CNOT4: variants seen among roughly 807,000 people sequenced by gnomAD.
CNOT4 encodes the protein CCR4-associated factor 4.
In CNOT4, 8 loss-of-function variants were observed where a neutral mutation model predicts 73.8. That is an observed-to-expected ratio of 0.11 (90% CI 0.06 to 0.20). The LOEUF is 0.20. Among genes scored for constraint, CNOT4 ranks in the 10% least tolerant of loss-of-function variants. The pLI is 1.00. For missense variants in CNOT4, 564 were observed against 883.4 expected (o/e 0.64, Z 4.58); for synonymous variants, 293 against 321.1 (o/e 0.91, Z 0.94).
At chr7:135,437,576 C>T (rs1269552363) in intron 2 of CNOT4, among the ~76,000 whole-genome samples, 1 of 152,160 alleles carries the variant, frequency 6.6e-6, no homozygotes, top group Non-Finnish European at 1.5e-5. Flanking sequence ...CTACTACTCA[C>T]AAGTTGATGA....
intron 10 of CNOT4, chr7:135,386,662 A>G (rs1175355014): frequency 6.6e-6 from 1 of 152,226 alleles, no homozygotes; most frequent in Non-Finnish European, 1.5e-5. Flanking sequence ...AAGTGAGGCA[A>G]AAGATCATGT....
chr7:135,487,401 T>C (rs1322272494), intron 1 of CNOT4, among the ~76,000 whole-genome samples: 4 of 150,974 alleles, frequency 2.6e-5, no homozygotes, highest in African/African-American at 4.9e-5. Context: ...ACCCAGATAA[T>C]TTTTTTTTGT....
chr7:135,505,358 G>GC (rs1250678115), intron 1 of CNOT4, among the ~76,000 whole-genome samples: 2 of 152,100 alleles, frequency 1.3e-5, no homozygotes, highest in Admixed American at 6.6e-5. Context: ...TTCGAGAACA[G>GC]CTGGTCAACA....
intron 10 of CNOT4, chr7:135,384,615 C>T (rs1048169379): frequency 2.1e-5 from 16 of 760,200 alleles, no homozygotes; most frequent in Middle Eastern, 4.5e-4. Flanking sequence ...ACCACATGCT[C>T]GTCTCAGGAG....
At chr7:135,365,407 A>G (rs1163189876) in intron 10 of CNOT4, among the ~76,000 whole-genome samples, 2 of 7,182 alleles carry the variant, frequency 2.8e-4, no homozygotes, top group Non-Finnish European at 5.0e-4. Context: ...ATATTTGCAT[A>G]TTATTTTACA....
At chr7:135,439,635 C>T (rs530098966) in intron 1 of CNOT4, among the ~76,000 whole-genome samples, 1 of 152,206 alleles carries the variant, frequency 6.6e-6, no homozygotes, top group African/African-American at 2.4e-5. Context: ...TTAAAATTAG[C>T]TGGGCATGGT....
chr7:135,395,209 C>A (rs1796610520), intron 9 of CNOT4, among the ~76,000 whole-genome samples: 1 of 151,806 alleles, frequency 6.6e-6, no homozygotes, highest in Admixed American at 6.6e-5. Context: ...TATAGCAAGA[C>A]CCTGTCTCTA....
intron 1 of CNOT4, among the ~76,000 whole-genome samples, chr7:135,442,141 T>A (rs1257135338): frequency 2.6e-5 from 4 of 152,202 alleles, no homozygotes; most frequent in Non-Finnish European, 5.9e-5. Context: ...CACAAACTTT[T>A]AGGGAATTTC....
At chr7:135,436,194 T>C (rs1194537204) in intron 2 of CNOT4, among the ~76,000 whole-genome samples, 1 of 151,234 alleles carries the variant, frequency 6.6e-6, no homozygotes, top group East Asian at 1.9e-4. Flanking sequence ...AAATCTTCTA[T>C]TTTTTTTTCT....
chr7:135,447,207 G>A (rs1762581328), intron 1 of CNOT4, among the ~76,000 whole-genome samples: 1 of 106,622 alleles, frequency 9.4e-6, no homozygotes, highest in Non-Finnish European at 2.4e-5. Context: ...ATTTCACAAA[G>A]CATGTTATTT....
intron 1 of CNOT4, among the ~76,000 whole-genome samples, chr7:135,468,445 C>T (rs574075047): frequency 1.3e-5 from 2 of 152,124 alleles, no homozygotes; most frequent in East Asian, 3.9e-4. Context: ...CTTTGGGAGG[C>T]CAAGGCAGGT....
chr7:135,406,315 C>A (rs1302359838), intron 7 of CNOT4, among the ~76,000 whole-genome samples: 1 of 120,524 alleles, frequency 8.3e-6, no homozygotes, highest in African/African-American at 3.1e-5. Flanking sequence ...CCCTCCCCCC[C>A]AAAAAAAGTT....
Position 135,363,777 on chromosome 7 carries a change from A to T in CNOT4, c.1840+77T>A. The T allele has an allele frequency of 8.4e-7, 1 of 1,195,638 alleles. No homozygotes were observed. Among genetic ancestry groups the T allele is most frequent in the Non-Finnish European group, 1.2e-6 (1 of 850,896 alleles). The allele number at this position is 1,195,638 out of a possible 1,614,324, so 74.1% of individuals were successfully genotyped here. On this transcript the variant is annotated intron_variant, in intron 11 of 11. Transcript: ENST00000541284. The surrounding 1 kb of genome is among the most constrained non-coding windows in gnomAD (Gnocchi z 4.3). ...GTGAAAAGCAGCTTATGTTGAAGAG[A>T]TCTCGGTTTTTATTTAATCTGTGCT...
At chr7:135,375,440 C>T (rs1795462998) in intron 10 of CNOT4, among the ~76,000 whole-genome samples, 1 of 152,164 alleles carries the variant, frequency 6.6e-6, no homozygotes, top group Non-Finnish European at 1.5e-5. Context: ...AACTCCCTAC[C>T]TAGCAAAGTA....
At chr7:135,441,592 G>T (rs1245770537) in intron 1 of CNOT4, among the ~76,000 whole-genome samples, 1 of 151,976 alleles carries the variant, frequency 6.6e-6, no homozygotes, top group Admixed American at 6.6e-5. Context: ...ATCAAATGGT[G>T]CTATCTACAC....
intron 1 of CNOT4, among the ~76,000 whole-genome samples, chr7:135,491,828 TA>T (rs1051637390): frequency 2.2e-4 from 33 of 152,190 alleles, no homozygotes; most frequent in African/African-American, 7.7e-4. Flanking sequence ...ATGTCCAGAG[TA>T]AATCTATAGG....
intron 1 of CNOT4, among the ~76,000 whole-genome samples, chr7:135,485,992 G>T (rs1472373734): frequency 6.6e-6 from 1 of 152,072 alleles, no homozygotes; most frequent in East Asian, 1.9e-4. Flanking sequence ...AGGATGAAAA[G>T]ACAAGTTAAA....
In CNOT4 at chr7:135,405,218, G is replaced by A. The variant is rs116195364; in HGVS notation, c.821+5297C>T. Among the ~76,000 whole-genome samples, 526 of 152,224 alleles carry A rather than the reference G, an allele frequency of 3.5e-3. 4 individuals are homozygous for A. Among genetic ancestry groups the A allele is most frequent in the African/African-American group, 0.012 (506 of 41,532 alleles). On this transcript the variant is annotated intron_variant, in intron 7 of 11. Coordinates refer to ENST00000541284, the MANE Select transcript of CNOT4 (RefSeq NM_001190850.2). ...ACAATATATACCACACAGGCCTACTGAGGATATTAAATGAACACAGAAGAC... is the reference window on the plus strand; with the variant it reads ...ACAATATATACCACACAGGCCTACTAAGGATATTAAATGAACACAGAAGAC...
chr7:135,479,337 T>C (rs1802211828), intron 1 of CNOT4, among the ~76,000 whole-genome samples: 2 of 148,770 alleles, frequency 1.3e-5, no homozygotes, highest in Non-Finnish European at 3.0e-5. Context: ...GCCTCCCGAG[T>C]AGCTGGGACT....
Sources: allele counts gnomAD v4.1 joint callset (sites outside exome capture counted in the v4.1 genomes callset), GRCh38; gene constraint gnomAD v4.1.1; non-coding constraint Gnocchi (gnomAD v3.1); transcripts MANE v1.5; gene names NCBI Gene and HGNC (gene_info 2026-07-23, HGNC 2026-07-21).